CCDC40: variants seen among roughly 807,000 people sequenced by gnomAD.
The protein encoded by CCDC40 is coiled-coil domain 40 molecular ruler complex subunit.
CCDC40 carries 104 observed loss-of-function variants against 124.5 expected under a neutral mutation model. The observed-to-expected ratio is 0.84, with a 90% CI of 0.71 to 0.98. The LOEUF (loss-of-function observed/expected upper bound fraction) is 0.98, where lower values mean the gene tolerates loss of function less well. CCDC40 is among the 50% of genes least tolerant of loss of function. CCDC40 has a pLI of 0.00. For synonymous variants in CCDC40, 580 were observed against 602.9 expected (o/e 0.96, Z 0.56); for missense variants, 1,463 against 1,503.9 (o/e 0.97, Z 0.45).
At chr17:80,081,471 G>T in intron 10 of CCDC40, 75 bp from the exon 11 acceptor site, 1 of 1,593,736 alleles carries the variant, frequency 6.3e-7, no homozygotes, top group Non-Finnish European at 8.6e-7. Flanking sequence ...GAGCTCCCTC[G>T]TGTGGGGCGC....
chr17:80,091,340 C>G (rs62075581), intron 17 of CCDC40, among the ~76,000 whole-genome samples: 107,731 of 145,174 alleles, frequency 0.74, 40,212 homozygotes, highest in Middle Eastern at 0.87. Flanking sequence ...CACACACACA[C>G]ACAGAGAGAG....
intron 9 of CCDC40, 104 bp from the exon 10 acceptor site, chr17:80,065,378 TAGA>T: frequency 6.9e-7 from 1 of 1,445,724 alleles, no homozygotes; most frequent in Middle Eastern, 1.7e-4. Flanking sequence ...GTACCGGTGA[TAGA>T]AGGAAAAGAG....
At chr17:80,062,043 A>G (rs1210693971) in intron 9 of CCDC40, among the ~76,000 whole-genome samples, 1 of 152,140 alleles carries the variant, frequency 6.6e-6, no homozygotes, top group Non-Finnish European at 1.5e-5. Flanking sequence ...CCAGGAAGTC[A>G]GGGCTGCAGT....
chr17:80,086,035 C>G lies in CCDC40; in HGVS notation c.2268C>G (p.Ile756Met), dbSNP rs1277374938. 1 of 1,614,010 alleles carries G rather than the reference C, an allele frequency of 6.2e-7. No homozygotes were observed. Among genetic ancestry groups the G allele is most frequent in the East Asian group, 2.2e-5 (1 of 44,854 alleles). ...GEEVGPLELE[I>M]KRLSKLIDEH... is the part of the protein sequence containing the mutation. The stretch of plus-strand genomic sequence containing the variant: ...AAGTGGGGCCCCTGGAGCTTGAAAT[C>G]AAAAGGCTGAGCAAGCTGATCGACG... The change falls in exon 14 of 20, where the codon ATC (isoleucine) becomes ATG (methionine). Residue 756 changes from isoleucine (I) to methionine (M), a missense_variant. Coordinates refer to ENST00000397545, the MANE Select transcript of CCDC40 (RefSeq NM_017950.4). The surrounding 1 kb of genome is among the most constrained non-coding windows in gnomAD (Gnocchi z 5.5).
chr17:80,044,712 A>AC (rs2037374578), intron 3 of CCDC40, among the ~76,000 whole-genome samples: 2 of 74,468 alleles, frequency 2.7e-5, no homozygotes, highest in African/African-American at 1.2e-4. Flanking sequence ...CAAACAAAAA[A>AC]AAAAATATAT....
chr17:80,095,589 C>A, intron 18 of CCDC40, 138 bp downstream of exon 18: 1 of 773,208 alleles, frequency 1.3e-6, no homozygotes, highest in Non-Finnish European at 2.1e-6. Context: ...TGCTAACCTG[C>A]TGCTGGGTGC....
intron 18 of CCDC40, 70 bp downstream of exon 18, chr17:80,095,521 G>A: frequency 1.4e-6 from 2 of 1,476,280 alleles, no homozygotes; most frequent in Non-Finnish European, 1.9e-6. Flanking sequence ...CTCCAGGAAG[G>A]CGTCTTGCTG....
intron 2 of CCDC40, among the ~76,000 whole-genome samples, chr17:80,039,323 C>A (rs539342282): frequency 6.6e-6 from 1 of 151,734 alleles, no homozygotes; most frequent in East Asian, 2.0e-4. Context: ...GCCGAGATCA[C>A]GCCACCGCAC....
Position 80,058,702 on chromosome 17 carries a change from C to T in CCDC40, c.1317+51C>T. The T allele has an allele frequency of 6.2e-7, 1 of 1,610,110 alleles. No individual in the cohort carries two copies. The highest frequency in any genetic ancestry group is 8.5e-7 in the Non-Finnish European group (1 of 1,176,492). On this transcript the variant is annotated intron_variant, in intron 8 of 19. Coordinates refer to ENST00000397545, the MANE Select transcript of CCDC40 (RefSeq NM_017950.4). This position sits in a 1 kb window ranked among gnomAD's most constrained non-coding sequence, Gnocchi z 4.2. ...TAATGATCACCAGACCGTGGAGCTTCAAAAAGGGGCTCAGCTTTGCCTCCT... is the reference window on the plus strand; with the variant it reads ...TAATGATCACCAGACCGTGGAGCTTTAAAAAGGGGCTCAGCTTTGCCTCCT...
At chr17:80,071,923 A>G (rs548387533) in intron 10 of CCDC40, among the ~76,000 whole-genome samples, 4 of 127,480 alleles carry the variant, frequency 3.1e-5, no homozygotes, top group Non-Finnish European at 6.2e-5. Context: ...TGCAACCTCC[A>G]CCTCCTGGGT....
In CCDC40 at chr17:80,046,532, CAATAAT is replaced by C. The variant is rs60431250; in HGVS notation, c.553-726_553-721del. 4.1e-3 allele frequency among the ~76,000 whole-genome samples: 601 copies of C among 147,378 alleles called. 5 individuals carry two copies. Among genetic ancestry groups the C allele is most frequent in the African/African-American group, 0.014 (566 of 39,458 alleles). The stretch of plus-strand genomic sequence containing the variant: ...TAGGTGGCAGAGTGAGACCCTTACT[CAATAAT>C]AATAATAATAATAATAATAAAAGAG... On this transcript the variant is annotated intron_variant, in intron 3 of 19. Coordinates refer to ENST00000397545, the MANE Select transcript of CCDC40 (RefSeq NM_017950.4).
intron 3 of CCDC40, among the ~76,000 whole-genome samples, chr17:80,045,153 A>G (rs1309217521): frequency 1.3e-5 from 2 of 152,242 alleles, no homozygotes; most frequent in African/African-American, 2.4e-5. Context: ...AGACAGAGAC[A>G]GCCGGCGCCG....
At chr17:80,051,857 G>T (rs564669952) in intron 7 of CCDC40, among the ~76,000 whole-genome samples, 1 of 152,322 alleles carries the variant, frequency 6.6e-6, no homozygotes, top group African/African-American at 2.4e-5. Context: ...AGCGCCCTCC[G>T]GCTCCCCTCT....
At chr17:80,056,004 A>ATTT (rs1262463030) in intron 7 of CCDC40, among the ~76,000 whole-genome samples, 12 of 8,370 alleles carry the variant, frequency 1.4e-3, no homozygotes, top group African/African-American at 2.5e-3. Flanking sequence ...ATATATATAT[A>ATTT]TATATATATA....
chr17:80,076,647 G>A (rs924747156), intron 10 of CCDC40, among the ~76,000 whole-genome samples: 26 of 150,916 alleles, frequency 1.7e-4, no homozygotes, highest in African/African-American at 5.6e-4. Context: ...TCAGTCAGCA[G>A]CCAGCAACAT....
At position 80,090,913 on chromosome 17, in the gene CCDC40, A is replaced by G. The variant is rs1018943794; in HGVS notation, c.2832+1029A>G. 8.7e-6 allele frequency: 6 copies of G among 685,902 alleles called. No individual in the cohort carries two copies. In the East Asian group the frequency reaches 3.7e-4, roughly 42 times the overall value. The allele number at this position is 685,902 out of a possible 1,614,324, so 42.5% of individuals were successfully genotyped here. A position where few individuals can be genotyped will look rare whatever the true frequency, so the allele number is the denominator to read the frequency against. On this transcript the variant is annotated intron_variant, in intron 17 of 19. Transcript: ENST00000397545. ...AAATACCAAATTTAATTGACTTTTCATATTACAGAAGCCACATGTATTTGC... is the reference window on the plus strand; with the variant it reads ...AAATACCAAATTTAATTGACTTTTCGTATTACAGAAGCCACATGTATTTGC...
At chr17:80,052,650 C>A (rs568306208) in intron 7 of CCDC40, among the ~76,000 whole-genome samples, 1 of 152,268 alleles carries the variant, frequency 6.6e-6, no homozygotes, top group African/African-American at 2.4e-5. Context: ...GAGACTGAGC[C>A]GGACAGACAG....
At chr17:80,073,484 G>T (rs1431540976) in intron 10 of CCDC40, among the ~76,000 whole-genome samples, 6 of 152,222 alleles carry the variant, frequency 3.9e-5, no homozygotes, top group Non-Finnish European at 7.4e-5. Context: ...ATTGTAATTG[G>T]TTTTTGGCAA....
Position 80,088,327 on chromosome 17 carries a change from C to T in CCDC40, c.2711+225C>T, listed in dbSNP as rs2038634022. ...AGTGCAGCCGTGCGATCTCAGCTCA[C>T]TGCAACCTCTGCCTCCCAGCTTCAA... is the stretch of plus-strand genomic sequence containing the variant. On this transcript the variant is annotated intron_variant, in intron 16 of 19. Coordinates refer to ENST00000397545, the MANE Select transcript of CCDC40 (RefSeq NM_017950.4). The T allele has an allele frequency of 7.0e-6, 4 of 569,690 alleles. No homozygotes were observed. The East Asian group carries it at 1.3e-4, about 18-fold the overall frequency. 35.3% of individuals were successfully genotyped at this position (569,690 alleles called of 1,614,324 possible). A position where few individuals can be genotyped will look rare whatever the true frequency, so the allele number is the denominator to read the frequency against.
Sources: gnomAD v4.1 joint callset for allele counts (sites outside exome capture counted in the v4.1 genomes callset) on GRCh38, gnomAD v4.1.1 for gene constraint, Gnocchi (gnomAD v3.1) non-coding constraint, MANE v1.5 for transcripts, NCBI Gene and HGNC (gene_info 2026-07-23, HGNC 2026-07-21) for gene names.